Variants in STON2 observed in about 807,000 individuals in gnomAD.
STON2 encodes the protein stonin 2.
A neutral mutation model predicts 65.7 loss-of-function variants in STON2; 29 were observed. The ratio of observed to expected loss-of-function variants is 0.44; its 90% CI spans 0.33 to 0.60. The LOEUF is 0.60. Ranked by LOEUF, STON2 falls within the 20% of genes least tolerant of loss-of-function variation. The pLI, the probability that STON2 is intolerant of heterozygous loss-of-function variation, is 0.03. For missense variants in STON2, 1,054 were observed against 1,118.1 expected (o/e 0.94, Z 0.82); for synonymous variants, 404 against 414.2 (o/e 0.98, Z 0.30).
Position 81,278,553 on chromosome 14 carries a change from G to C in STON2, c.929C>G (p.Pro310Arg), listed in dbSNP as rs754587296. Residue 310 changes from proline (P) to arginine (R), a missense_variant, in exon 6 of 8, where the codon CCA becomes CGA. Pro to Arg is a moderately radical substitution (Grantham distance 103). Transcript: ENST00000614646. ...CACAGATGCACTTGGTGGTGTATTT[G>C]GCTTCAGAGGAGAGGTGACTGGTGG... ...PLPPVTSPLK[P>R]NTPPSASVIP... 7.4e-6 allele frequency: 12 copies of C among 1,611,902 alleles called. No homozygotes were observed. Among genetic ancestry groups the C allele is most frequent in the Non-Finnish European group, 1.0e-5 (12 of 1,178,728 alleles).
chr14:81,266,726 T>TGG lies in STON2; in HGVS notation c.*1687_*1688insCC. ...CCATGATATATTTCTGATTCAACAT[T>TGG]GAACCTCCATTTCTGTAAGGAAATA... On this transcript the variant is annotated 3_prime_UTR_variant, in exon 8 of 8. Transcript: ENST00000614646. 7 of 985,404 alleles carry TGG rather than the reference T, an allele frequency of 7.1e-6. No individual in the cohort carries two copies. The highest frequency in any genetic ancestry group is 8.4e-6 in the Non-Finnish European group (7 of 829,916). The allele number at this position is 985,404 out of a possible 1,614,324, so 61.0% of individuals were successfully genotyped here. A position where few individuals can be genotyped will look rare whatever the true frequency, so the allele number is the denominator to read the frequency against.
At chr14:81,385,334 CTT>C in intron 3 of STON2, among the ~76,000 whole-genome samples, 1 of 152,310 alleles carries the variant, frequency 6.6e-6, no homozygotes, top group Admixed American at 6.5e-5. Flanking sequence ...CATGATGACA[CTT>C]TTAAATACAA....
intron 4 of STON2, among the ~76,000 whole-genome samples, chr14:81,357,509 A>C (rs1487975548): frequency 6.6e-6 from 1 of 150,806 alleles, no homozygotes; most frequent in African/African-American, 2.4e-5. Flanking sequence ...TCAGGGATCT[A>C]GAACTAGAAA....
At chr14:81,363,776 G>A (rs1174984909) in intron 4 of STON2, among the ~76,000 whole-genome samples, 1 of 152,072 alleles carries the variant, frequency 6.6e-6, no homozygotes, top group Admixed American at 6.6e-5. Flanking sequence ...TATATTCAAG[G>A]TTTAAAAATA....
At chr14:81,280,180 G>A (rs750579565) in intron 5 of STON2, among the ~76,000 whole-genome samples, 32 of 152,218 alleles carry the variant, frequency 2.1e-4, no homozygotes, top group Non-Finnish European at 4.0e-4. Context: ...CACTTTAGCA[G>A]GGCCTTCAAG....
chr14:81,413,788 C>T (rs1225124740), intron 2 of STON2, among the ~76,000 whole-genome samples: 1 of 139,206 alleles, frequency 7.2e-6, no homozygotes, highest in Non-Finnish European at 1.5e-5. Context: ...AAGAGAAAGA[C>T]TCCATCTCAA....
chr14:81,266,008 A>C lies in STON2; in HGVS notation c.*2406T>G. On this transcript the variant is annotated 3_prime_UTR_variant, in exon 8 of 8. Coordinates refer to ENST00000614646, the MANE Select transcript of STON2 (RefSeq NM_001394390.1). ...AGCCTTCAGTACAACAGGGGAAGAG[A>C]TATGCGTTGAAATTCCTTGACAAAA... 2 of 985,460 alleles carry C rather than the reference A, an allele frequency of 2.0e-6. No individual in the cohort carries two copies. The highest frequency in any genetic ancestry group is 2.4e-6 in the Non-Finnish European group (2 of 829,938). The allele number at this position is 985,460 out of a possible 1,614,324, so 61.0% of individuals were successfully genotyped here. A position where few individuals can be genotyped will look rare whatever the true frequency, so the allele number is the denominator to read the frequency against.
chr14:81,341,147 T>C (rs1298480705), intron 4 of STON2, among the ~76,000 whole-genome samples: 2 of 152,142 alleles, frequency 1.3e-5, no homozygotes, highest in African/African-American at 2.4e-5. Context: ...AAGATAATGA[T>C]CATAACTACT....
chr14:81,315,485 C>T (rs536085914), intron 5 of STON2, among the ~76,000 whole-genome samples: 1 of 150,428 alleles, frequency 6.6e-6, no homozygotes, highest in East Asian at 2.0e-4. Context: ...AATGAAGTCG[C>T]CTGCACGCAG....
intron 4 of STON2, among the ~76,000 whole-genome samples, chr14:81,339,570 T>A (rs1897511403): frequency 6.6e-6 from 1 of 152,144 alleles, no homozygotes; most frequent in African/African-American, 2.4e-5. Context: ...CTACCCAATT[T>A]GAAGTTCAGA....
At chr14:81,434,648 G>A (rs1241648016) in intron 1 of STON2, among the ~76,000 whole-genome samples, 1 of 152,132 alleles carries the variant, frequency 6.6e-6, no homozygotes, top group African/African-American at 2.4e-5. Context: ...GATTCCCACT[G>A]ACATCACCCT....
chr14:81,360,497 C>T (rs1179994093), intron 4 of STON2, among the ~76,000 whole-genome samples: 2 of 151,884 alleles, frequency 1.3e-5, no homozygotes, highest in Non-Finnish European at 2.9e-5. Flanking sequence ...AAAAAAATAA[C>T]AAATTAGGTA....
chr14:81,307,268 TC>T (rs1440748519), intron 5 of STON2, among the ~76,000 whole-genome samples: 2 of 152,272 alleles, frequency 1.3e-5, no homozygotes, highest in African/African-American at 2.4e-5. Flanking sequence ...CTGGATTGCA[TC>T]TTTTGGAAGC....
chr14:81,313,135 T>C (rs1427298820), intron 5 of STON2, among the ~76,000 whole-genome samples: 1 of 152,230 alleles, frequency 6.6e-6, no homozygotes, highest in Non-Finnish European at 1.5e-5. Flanking sequence ...ATTCCGTGGT[T>C]TCTGTCACAA....
At chr14:81,293,025 C>G (rs1191725052) in intron 5 of STON2, among the ~76,000 whole-genome samples, 1 of 152,186 alleles carries the variant, frequency 6.6e-6, no homozygotes, top group Non-Finnish European at 1.5e-5. Flanking sequence ...AACCAAGGTG[C>G]ACCATCCATG....
Position 81,283,638 on chromosome 14 carries a change from C to T in STON2, c.743-4899G>A, listed in dbSNP as rs546038358. Among the ~76,000 whole-genome samples, 5 of 149,940 alleles carry T rather than the reference C, an allele frequency of 3.3e-5. No homozygotes were observed. The South Asian group carries it at 1.0e-3, about 31-fold the overall frequency. Reference sequence around the variant, plus strand: ...TTCCGCCTCCCGGGTTCAAGCCATTCTCCTGCCTCAGCCTCCTGAGTAGCT... The same window carrying T: ...TTCCGCCTCCCGGGTTCAAGCCATTTTCCTGCCTCAGCCTCCTGAGTAGCT... On this transcript the variant is annotated intron_variant, in intron 5 of 7. Coordinates refer to ENST00000614646, the MANE Select transcript of STON2 (RefSeq NM_001394390.1).
chr14:81,274,361 A>G (rs1894720688), intron 6 of STON2, among the ~76,000 whole-genome samples: 2 of 152,218 alleles, frequency 1.3e-5, no homozygotes, highest in Non-Finnish European at 2.9e-5. Flanking sequence ...ACGAGGTTCC[A>G]GCAATCTGGA....
chr14:81,306,190 C>G (rs1595326750), intron 5 of STON2, among the ~76,000 whole-genome samples: 1 of 138,222 alleles, frequency 7.2e-6, no homozygotes, highest in South Asian at 2.3e-4. Flanking sequence ...TATATACACT[C>G]TATTTTATAT....
chr14:81,422,969 A>G (rs1480075306), intron 2 of STON2, among the ~76,000 whole-genome samples: 1 of 151,616 alleles, frequency 6.6e-6, no homozygotes, highest in East Asian at 1.9e-4. Flanking sequence ...CTGGAGGCGG[A>G]GGTTGCAGTG....
Sources: allele counts gnomAD v4.1 joint callset (sites outside exome capture counted in the v4.1 genomes callset), GRCh38; gene constraint gnomAD v4.1.1; transcripts MANE v1.5; gene names NCBI Gene and HGNC (gene_info 2026-07-23, HGNC 2026-07-21).